Variants in SPOPL observed in about 807,000 individuals in gnomAD.
The protein encoded by SPOPL is speckle type BTB/POZ protein like.
SPOPL carries 23 observed loss-of-function variants against 53.8 expected under a neutral mutation model. The ratio of observed to expected loss-of-function variants is 0.43; its 90% CI spans 0.31 to 0.61. The LOEUF (loss-of-function observed/expected upper bound fraction) is 0.61, where lower values mean the gene tolerates loss of function less well. Among genes scored for constraint, SPOPL ranks in the 20% least tolerant of loss-of-function variants. The pLI is 0.12. For missense variants in SPOPL, 442 were observed against 466.9 expected, an observed-to-expected ratio of 0.95 and a Z score of 0.49; for synonymous variants, 164 against 149.7, an observed-to-expected ratio of 1.10 and a Z score of -0.70.
At chr2:138,550,127 A>G in intron 1 of SPOPL, 30 bp from the exon 2 acceptor site, 1 of 1,160,878 alleles carries the variant, frequency 8.6e-7, no homozygotes, top group South Asian at 1.3e-5. Flanking sequence ...AAACTTTTTA[A>G]TCAGTACATC....
chr2:138,542,300 G>C (rs1168682553), intron 1 of SPOPL, among the ~76,000 whole-genome samples: 3 of 152,184 alleles, frequency 2.0e-5, no homozygotes, highest in African/African-American at 7.2e-5. Context: ...TGTTAACTTT[G>C]TGTCTCGTTG....
At chr2:138,538,869 G>A (rs1317823222) in intron 1 of SPOPL, among the ~76,000 whole-genome samples, 1 of 151,766 alleles carries the variant, frequency 6.6e-6, no homozygotes, top group African/African-American at 2.4e-5. Flanking sequence ...TTTAACATTA[G>A]GAATATCTCC....
intron 1 of SPOPL, among the ~76,000 whole-genome samples, chr2:138,531,240 G>T (rs1389870681): frequency 6.6e-6 from 1 of 151,510 alleles, no homozygotes; most frequent in Non-Finnish European, 1.5e-5. Context: ...TAGTTATGCT[G>T]TCTTTTCTTG....
intron 1 of SPOPL, among the ~76,000 whole-genome samples, chr2:138,531,004 T>A (rs1217065751): frequency 6.6e-6 from 1 of 151,914 alleles, no homozygotes; most frequent in Non-Finnish European, 1.5e-5. Context: ...AGCGTTTTCA[T>A]CTTGAATGGG....
intron 1 of SPOPL, among the ~76,000 whole-genome samples, chr2:138,532,734 T>G (rs77428721): frequency 0.022 from 3,411 of 151,714 alleles, 134 homozygotes; most frequent in African/African-American, 0.078. Context: ...GAGCCACAGC[T>G]CTGGGCCTTG....
intron 10 of SPOPL, among the ~76,000 whole-genome samples, chr2:138,568,043 T>C (rs764401750): frequency 2.0e-5 from 3 of 152,066 alleles, no homozygotes; most frequent in Non-Finnish European, 4.4e-5. Context: ...GTATTTCTCT[T>C]TCTAAAAAAC....
intron 1 of SPOPL, among the ~76,000 whole-genome samples, chr2:138,510,577 T>C (rs1219091492): frequency 6.6e-6 from 1 of 152,226 alleles, no homozygotes; most frequent in African/African-American, 2.4e-5. Flanking sequence ...GATTTTGCCT[T>C]ACATATTTTG....
intron 8 of SPOPL, among the ~76,000 whole-genome samples, chr2:138,563,033 T>C (rs1685584013): frequency 1.3e-5 from 2 of 152,154 alleles, no homozygotes; most frequent in African/African-American, 2.4e-5. Context: ...ACAGCAGATA[T>C]CTAATGAACA....
rs72375808 is a variant in SPOPL, at chr2:138,529,536, T to TCGCGCGCG, written c.-60-20621_-60-20620insCGCGCGCG. Reference sequence around the variant, plus strand: ...TGTGTGTGTGTGTGTGTGTGTGTGTTTGCGTGCGCGCGCGCTTCTGCATTC... The same window carrying TCGCGCGCG: ...TGTGTGTGTGTGTGTGTGTGTGTGTTCGCGCGCGTGCGTGCGCGCGCGCTTCTGCATTC... On this transcript the variant is annotated intron_variant, in intron 1 of 10. Transcript: ENST00000280098. Among the ~76,000 whole-genome samples the TCGCGCGCG allele has an allele frequency of 2.5e-3, 244 of 97,630 alleles. 3 individuals are homozygous for TCGCGCGCG. Among genetic ancestry groups the TCGCGCGCG allele is most frequent in the Middle Eastern group, 5.8e-3 (1 of 172 alleles). 64.0% of individuals were successfully genotyped at this position (97,630 alleles called of 152,430 possible).
intron 1 of SPOPL, among the ~76,000 whole-genome samples, chr2:138,520,469 T>G (rs1684532920): frequency 6.6e-6 from 1 of 152,220 alleles, no homozygotes; most frequent in Non-Finnish European, 1.5e-5. Context: ...TTTCAGCTAT[T>G]TGTAATTTTT....
chr2:138,527,205 T>C (rs889788207), intron 1 of SPOPL, among the ~76,000 whole-genome samples: 2 of 152,200 alleles, frequency 1.3e-5, no homozygotes, highest in African/African-American at 4.8e-5. Flanking sequence ...TAGATCTTTT[T>C]TCAGTAATCA....
In SPOPL at chr2:138,556,673, CTT is replaced by C. The variant is rs1418940045; in HGVS notation, c.481-2348_481-2347del. Among the ~76,000 whole-genome samples, 4 of 152,196 alleles carry C rather than the reference CTT, an allele frequency of 2.6e-5. No individual in the cohort carries two copies. In the South Asian group the frequency reaches 8.3e-4, roughly 32 times the overall value. On this transcript the variant is annotated intron_variant, in intron 5 of 10. Transcript: ENST00000280098. Reference sequence around the variant, plus strand: ...ATAGTTATTAAAATTTTAGACATAACTTGATTAAAAACTTGATAAGATAGGAG... The same window carrying C: ...ATAGTTATTAAAATTTTAGACATAACGATTAAAAACTTGATAAGATAGGAG...
chr2:138,533,538 T>C (rs78282009), intron 1 of SPOPL, among the ~76,000 whole-genome samples: 6,909 of 152,256 alleles, frequency 0.045, 226 homozygotes, highest in Middle Eastern at 0.085. Flanking sequence ...ATGTTCATTG[T>C]ATTTCCCTAA....
Position 138,509,080 on chromosome 2 carries a change from A to AT in SPOPL, c.-61+6968dup, listed in dbSNP as rs1453488473. ...AGGTAAAAGCTAGCAGATTAAAATG[A>AT]TTTTTTTATTCTCAAGTATGAAATT... On this transcript the variant is annotated intron_variant, in intron 1 of 10. Transcript: ENST00000280098. Among the ~76,000 whole-genome samples the AT allele has an allele frequency of 5.3e-5, 8 of 152,226 alleles. No homozygotes were observed. In the East Asian group the frequency reaches 1.4e-3, roughly 26 times the overall value.
At chr2:138,556,248 A>G (rs749181196) in intron 5 of SPOPL, among the ~76,000 whole-genome samples, 4 of 152,324 alleles carry the variant, frequency 2.6e-5, no homozygotes, top group Non-Finnish European at 5.9e-5. Context: ...TGCTTATACA[A>G]AATACAAATA....
chr2:138,550,758 A>G, intron 3 of SPOPL, 145 bp from the exon 4 acceptor site: 2 of 1,398,548 alleles, frequency 1.4e-6, no homozygotes, highest in Non-Finnish European at 1.9e-6. Flanking sequence ...ATTATAAAGA[A>G]CTGTGAGGAT....
intron 4 of SPOPL, 124 bp from the exon 5 acceptor site, chr2:138,552,430 G>C: frequency 8.8e-7 from 1 of 1,131,056 alleles, no homozygotes; most frequent in South Asian, 1.9e-5. Flanking sequence ...CACAAATATC[G>C]GTAACTTTTA....
chr2:138,532,103 ACT>A (rs1205009397), intron 1 of SPOPL, among the ~76,000 whole-genome samples: 2 of 151,872 alleles, frequency 1.3e-5, no homozygotes, highest in African/African-American at 4.8e-5. Context: ...GCAAATCTCA[ACT>A]CTAATCCTTG....
chr2:138,535,882 A>T (rs538604222), intron 1 of SPOPL, among the ~76,000 whole-genome samples: 1 of 152,038 alleles, frequency 6.6e-6, no homozygotes, highest in South Asian at 2.1e-4. Flanking sequence ...AAGTTCACTA[A>T]TTCTTCTATT....
Sources: allele counts gnomAD v4.1 joint callset (sites outside exome capture counted in the v4.1 genomes callset), GRCh38; gene constraint gnomAD v4.1.1; transcripts MANE v1.5; gene names NCBI Gene and HGNC (gene_info 2026-07-23, HGNC 2026-07-21).